Variants in ME1 observed in about 807,000 individuals in gnomAD.
ME1 encodes NADP-dependent malic enzyme.
A neutral mutation model predicts 66.4 loss-of-function variants in ME1; 74 were observed. The ratio of observed to expected loss-of-function variants is 1.11; its 90% CI spans 0.92 to 1.35. ME1 has a LOEUF of 1.35. ME1 is among the 40% of genes most tolerant of loss of function. The pLI is 0.00. For missense variants in ME1, 750 were observed against 694.1 expected (o/e 1.08, Z -0.90); for synonymous variants, 251 against 235.6 (o/e 1.07, Z -0.60).
chr6:83,332,833 A>G (rs1768441346), intron 5 of ME1, among the ~76,000 whole-genome samples: 2 of 152,152 alleles, frequency 1.3e-5, no homozygotes, highest in Non-Finnish European at 2.9e-5. Flanking sequence ...GGGTACACTA[A>G]AAGCTCAGAG....
intron 1 of ME1, among the ~76,000 whole-genome samples, chr6:83,408,612 A>C (rs546876837): frequency 6.6e-6 from 1 of 152,374 alleles, no homozygotes; most frequent in African/African-American, 2.4e-5. Context: ...ACAAATGATA[A>C]TAACAAGCTA....
intron 6 of ME1, among the ~76,000 whole-genome samples, chr6:83,309,723 T>C (rs2128538184): frequency 6.6e-6 from 1 of 152,168 alleles, no homozygotes. Context: ...ACCAAGGAAG[T>C]GGAGATTAAT....
intron 5 of ME1, among the ~76,000 whole-genome samples, chr6:83,326,910 C>T (rs903875469): frequency 4.6e-5 from 7 of 151,780 alleles, no homozygotes; most frequent in Admixed American, 6.6e-5. Context: ...ATTATTGTTG[C>T]GGGAAGTCAG....
In ME1 at chr6:83,315,354, T is replaced by C. The variant is rs756435947; in HGVS notation, c.660A>G (p.Glu220=). The C allele has an allele frequency of 4.3e-6, 7 of 1,612,830 alleles. No homozygotes were observed. The highest frequency in any genetic ancestry group is 1.7e-4 in the Middle Eastern group (1 of 6,040). Residue 220 remains glutamate, a synonymous_variant, in exon 6 of 14, where the codon GAA becomes GAG. Transcript: ENST00000369705. ...TGAATTCGTCCAAAAAATCATCATATTCAGAACCTCTTACTCTTCTCTGCC... is the reference window on the plus strand; with the variant it reads ...TGAATTCGTCCAAAAAATCATCATACTCAGAACCTCTTACTCTTCTCTGCC... ...GLRQRRVRGS[E]YDDFLDEFME...
At chr6:83,229,235 C>G (rs1790254819) in intron 9 of ME1, 1 of 445,992 alleles carries the variant, frequency 2.2e-6, no homozygotes, top group Admixed American at 3.1e-5. Flanking sequence ...AATGGCCATG[C>G]AAAATATAAT....
chr6:83,239,767 T>C, intron 7 of ME1, 131 bp from the exon 8 acceptor site: 2 of 625,588 alleles, frequency 3.2e-6, no homozygotes, highest in Non-Finnish European at 5.6e-6. Context: ...GGTTGTCTTA[T>C]CCCATGCTTG....
intron 4 of ME1, 40 bp from the exon 5 acceptor site, chr6:83,346,374 C>A: frequency 6.8e-7 from 1 of 1,476,820 alleles, no homozygotes; most frequent in Non-Finnish European, 9.2e-7. Context: ...CAAGTTTTCA[C>A]AAATCCTGAG....
At chr6:83,341,004 C>T (rs1053434146) in intron 5 of ME1, among the ~76,000 whole-genome samples, 4 of 151,920 alleles carry the variant, frequency 2.6e-5, no homozygotes, top group African/African-American at 4.8e-5. Context: ...AGTAGCTTAG[C>T]GACCATAACT....
intron 1 of ME1, among the ~76,000 whole-genome samples, chr6:83,413,740 C>T (rs1770095976): frequency 6.6e-6 from 1 of 152,066 alleles, no homozygotes; most frequent in Non-Finnish European, 1.5e-5. Context: ...TTCCTTCCTC[C>T]AAGGCTTCTA....
chr6:83,301,342 CTT>C (rs1310952954), intron 6 of ME1, among the ~76,000 whole-genome samples: 5 of 146,408 alleles, frequency 3.4e-5, no homozygotes, highest in East Asian at 2.0e-4. Flanking sequence ...CTCTCTCTTT[CTT>C]TCTTTCTTTC....
chr6:83,330,825 C>G (rs1768392531), intron 5 of ME1, among the ~76,000 whole-genome samples: 1 of 152,112 alleles, frequency 6.6e-6, no homozygotes, highest in Admixed American at 6.5e-5. Flanking sequence ...TTAAGATCTT[C>G]TAATTTAGAG....
intron 3 of ME1, among the ~76,000 whole-genome samples, chr6:83,374,445 GTTGT>G (rs1289494843): frequency 8.5e-5 from 13 of 152,092 alleles, no homozygotes; most frequent in South Asian, 2.1e-4. Context: ...TTTTGATGGG[GTTGT>G]TTGTTTTTTT....
chr6:83,284,371 G>A (rs1381665778), intron 6 of ME1, among the ~76,000 whole-genome samples: 1 of 151,996 alleles, frequency 6.6e-6, no homozygotes, highest in Non-Finnish European at 1.5e-5. Flanking sequence ...AAGGAGGAGG[G>A]ACTCCTCCCT....
chr6:83,343,179 A>G (rs2128543382), intron 5 of ME1, among the ~76,000 whole-genome samples: 1 of 152,166 alleles, frequency 6.6e-6, no homozygotes, highest in African/African-American at 2.4e-5. Context: ...CCTGACATAC[A>G]CACACCCTTC....
chr6:83,299,389 T>C (rs554536713), intron 6 of ME1, among the ~76,000 whole-genome samples: 1 of 152,196 alleles, frequency 6.6e-6, no homozygotes, highest in East Asian at 1.9e-4. Context: ...AGTTCATTCA[T>C]GATTTGGCAT....
chr6:83,378,597 G>T (rs192792011), intron 3 of ME1, among the ~76,000 whole-genome samples: 1 of 152,028 alleles, frequency 6.6e-6, no homozygotes, highest in East Asian at 1.9e-4. Context: ...AAACTAGAAG[G>T]TATCTTCTTT....
chr6:83,389,126 AAATAAT>A (rs956216691), intron 3 of ME1, among the ~76,000 whole-genome samples: 3 of 152,022 alleles, frequency 2.0e-5, no homozygotes, highest in African/African-American at 7.2e-5. Flanking sequence ...CTCAAAAGTA[AAATAAT>A]AATAATAATA....
chr6:83,308,096 G>A (rs925050656), intron 6 of ME1, among the ~76,000 whole-genome samples: 9 of 152,106 alleles, frequency 5.9e-5, no homozygotes, highest in Non-Finnish European at 1.0e-4. Context: ...GCAAATGGCA[G>A]ATGATATGGC....
chr6:83,372,511 C>A (rs1177556005), intron 3 of ME1, among the ~76,000 whole-genome samples: 1 of 152,214 alleles, frequency 6.6e-6, no homozygotes, highest in African/African-American at 2.4e-5. Context: ...CATTCCCTAG[C>A]TGCTTTAATA....
Sources: gnomAD v4.1 joint callset for allele counts (sites outside exome capture counted in the v4.1 genomes callset) on GRCh38, gnomAD v4.1.1 for gene constraint, MANE v1.5 for transcripts, NCBI Gene and HGNC (gene_info 2026-07-23, HGNC 2026-07-21) for gene names.